The following GSAP variants were observed in gnomAD, a reference collection of about 807,000 sequenced individuals.
The protein encoded by GSAP is gamma-secretase activating protein.
In GSAP, 118 loss-of-function variants were observed where a neutral mutation model predicts 131.7. The ratio of observed to expected loss-of-function variants is 0.90; its 90% CI spans 0.77 to 1.04. GSAP has a LOEUF of 1.04. Among genes scored for constraint, GSAP ranks in the 50% least tolerant of loss-of-function variants. The pLI, the probability that GSAP is intolerant of heterozygous loss-of-function variation, is 0.00. For missense variants in GSAP, 1,019 were observed against 1,013.2 expected (o/e 1.01, Z -0.08); for synonymous variants, 381 against 363.4 (o/e 1.05, Z -0.55).
Position 77,355,252 on chromosome 7 carries a change from C to A in GSAP, c.1299G>T (p.Ala433=), listed in dbSNP as rs762019139. Reference sequence around the variant, plus strand: ...ACTGCGCACCTTGACCGCAGTAGAGCGCGCAGTGCAACGCAGCCATCTTCT... The same window carrying A: ...ACTGCGCACCTTGACCGCAGTAGAGAGCGCAGTGCAACGCAGCCATCTTCT... ...DCEKMAALHC[A]LYCGQGAQFL... Residue 433 remains alanine (A), a synonymous_variant, in exon 16 of 31, where the codon GCG becomes GCT. Transcript: ENST00000257626. The A allele has an allele frequency of 6.2e-7, 1 of 1,613,804 alleles. No homozygotes were observed.
intron 5 of GSAP, 24 bp downstream of exon 5, chr7:77,396,958 T>A (rs1800504079): frequency 7.2e-7 from 1 of 1,396,486 alleles, no homozygotes; most frequent in African/African-American, 1.4e-5. Context: ...TACCCATAGG[T>A]ACTAAAAAGT....
intron 1 of GSAP, chr7:77,415,886 G>GT: frequency 7.5e-6 from 2 of 264,992 alleles, no homozygotes; most frequent in South Asian, 1.1e-4. Context: ...AGCTGAGCAC[G>GT]ACCCTCTGCC....
intron 5 of GSAP, among the ~76,000 whole-genome samples, chr7:77,389,365 C>T (rs182328675): frequency 2.0e-5 from 3 of 149,202 alleles, no homozygotes; most frequent in East Asian, 2.0e-4. Flanking sequence ...AGTGAAATGC[C>T]GTCTCTACAA....
In GSAP at chr7:77,331,894, A is replaced by G. The variant is rs1789218394; in HGVS notation, c.1546-1527T>C. 7.4e-5 allele frequency: 5 copies of G among 67,916 alleles called. No individual in the cohort carries two copies. The South Asian group carries it at 2.4e-3, about 33-fold the overall frequency. The allele number at this position is 67,916 out of a possible 1,614,324, so 4.2% of individuals were successfully genotyped here. A position where few individuals can be genotyped will look rare whatever the true frequency, so the allele number is the denominator to read the frequency against. ...TGGGTCTTCTTTGTATTTAAGAAGA[A>G]AAAAAAAAAAAAAAAAAGACAAGAC... On this transcript the variant is annotated intron_variant, in intron 19 of 30. Coordinates refer to ENST00000257626, the MANE Select transcript of GSAP (RefSeq NM_017439.4).
At chr7:77,343,580 A>C (rs1192336024) in intron 19 of GSAP, among the ~76,000 whole-genome samples, 1 of 152,196 alleles carries the variant, frequency 6.6e-6, no homozygotes, top group Non-Finnish European at 1.5e-5. Context: ...GTCAGATCCC[A>C]TCGCTCAAGG....
chr7:77,416,215 G>A lies in GSAP; in HGVS notation c.107C>T (p.Ala36Val). Residue 36 changes from alanine (A) to valine (V), a missense_variant and splice_region_variant, in exon 1 of 31, where the codon GCA (alanine) becomes GTA (valine). Ala to Val is a moderately conservative substitution (Grantham distance 64, BLOSUM62 0). Transcript: ENST00000257626. ...SEASGAGSGG[A>V]DVLENDYESL... ...TCTCCGCAGCGCGCCTCCCGCACCT[G>A]CGCCGCCGCTTCCGGCCCCGCTGGC... 7.0e-7 allele frequency: 1 copy of A among 1,422,560 alleles called. No homozygotes were observed. The highest frequency in any genetic ancestry group is 9.2e-7 in the Non-Finnish European group (1 of 1,082,878). 88.1% of individuals were successfully genotyped at this position (1,422,560 alleles called of 1,614,324 possible).
At chr7:77,344,228 TC>T (rs1791455118) in intron 19 of GSAP, among the ~76,000 whole-genome samples, 2 of 152,176 alleles carry the variant, frequency 1.3e-5, no homozygotes, top group Admixed American at 1.3e-4. Context: ...CCAAGCAGTT[TC>T]TCAGGCTCTT....
intron 19 of GSAP, among the ~76,000 whole-genome samples, chr7:77,345,793 C>A (rs1316601723): frequency 6.6e-6 from 1 of 152,166 alleles, no homozygotes; most frequent in Non-Finnish European, 1.5e-5. Flanking sequence ...TCTTTTCGGA[C>A]TCAGCCCGCC....
chr7:77,347,961 G>A (rs1044700673), intron 19 of GSAP, among the ~76,000 whole-genome samples: 9 of 150,574 alleles, frequency 6.0e-5, no homozygotes, highest in Non-Finnish European at 1.2e-4. Context: ...AGATCATCCT[G>A]GCAACATAGC....
At chr7:77,345,696 T>C (rs10953207) in intron 19 of GSAP, among the ~76,000 whole-genome samples, 36,097 of 151,980 alleles carry the variant, frequency 0.24, 5,417 homozygotes, top group East Asian at 0.43. Context: ...ACGCCCCTGC[T>C]CATAAGAGAA....
chr7:77,406,001 AC>A, intron 2 of GSAP, 27 bp downstream of exon 2: 1 of 804,244 alleles, frequency 1.2e-6, no homozygotes, highest in Non-Finnish European at 1.8e-6. Flanking sequence ...TTTACATCTT[AC>A]CACAATAAAA....
Position 77,353,905 on chromosome 7 carries a change from G to A in GSAP, c.1339-264C>T, listed in dbSNP as rs147409876. 2.6e-4 allele frequency among the ~76,000 whole-genome samples: 40 copies of A among 152,174 alleles called. No homozygotes were observed. The East Asian group carries it at 5.0e-3, about 19-fold the overall frequency. On this transcript the variant is annotated intron_variant, in intron 16 of 30. Coordinates refer to ENST00000257626, the MANE Select transcript of GSAP (RefSeq NM_017439.4). ...CCAAATAAACGTTCCTCAACCTAAC[G>A]TTTGTGCAAGAATAGGTCATGTTAT... is the stretch of plus-strand genomic sequence containing the variant.
chr7:77,347,164 G>A (rs529406727), intron 19 of GSAP, among the ~76,000 whole-genome samples: 54 of 152,130 alleles, frequency 3.5e-4, no homozygotes, highest in East Asian at 5.8e-4. Flanking sequence ...CACTCTATGC[G>A]TCTCTTCATC....
At chr7:77,415,153 T>C (rs1394383450) in intron 1 of GSAP, among the ~76,000 whole-genome samples, 1 of 152,198 alleles carries the variant, frequency 6.6e-6, no homozygotes, top group South Asian at 2.1e-4. Flanking sequence ...TTGGAGCTAA[T>C]AATATTCCAA....
intron 12 of GSAP, among the ~76,000 whole-genome samples, chr7:77,366,118 G>A (rs1040996865): frequency 2.6e-5 from 4 of 151,782 alleles, no homozygotes; most frequent in Non-Finnish European, 5.9e-5. Flanking sequence ...TAAGTACCTT[G>A]TAGATGCTGG....
intron 12 of GSAP, among the ~76,000 whole-genome samples, chr7:77,363,823 T>G (rs1268749907): frequency 6.6e-6 from 1 of 152,208 alleles, no homozygotes; most frequent in Non-Finnish European, 1.5e-5. Context: ...TTACGGTTAC[T>G]GAGCACACAA....
chr7:77,359,563 ATTG>A lies in GSAP; in HGVS notation c.1027+1258_1027+1260del, dbSNP rs548012311. Among the ~76,000 whole-genome samples, 78 of 152,328 alleles carry A rather than the reference ATTG, an allele frequency of 5.1e-4. No individual in the cohort carries two copies. The East Asian group carries it at 0.014, about 27-fold the overall frequency. On this transcript the variant is annotated intron_variant, in intron 14 of 30. Transcript: ENST00000257626. The stretch of plus-strand genomic sequence containing the variant: ...CAAAAAATATATTACTCAAAACAAT[ATTG>A]TTGTCATAAAAATTACCTGTACAGC...
At chr7:77,363,699 T>C (rs898683316) in intron 12 of GSAP, among the ~76,000 whole-genome samples, 2 of 152,242 alleles carry the variant, frequency 1.3e-5, no homozygotes, top group Non-Finnish European at 2.9e-5. Flanking sequence ...CATTTAACAC[T>C]GCAAAGTATT....
chr7:77,398,462 G>A (rs1415548205), intron 3 of GSAP, among the ~76,000 whole-genome samples: 1 of 152,134 alleles, frequency 6.6e-6, no homozygotes, highest in African/African-American at 2.4e-5. Context: ...TAAGAAGAAT[G>A]GGTATATACA....
Sources: allele counts gnomAD v4.1 joint callset (sites outside exome capture counted in the v4.1 genomes callset), GRCh38; gene constraint gnomAD v4.1.1; transcripts MANE v1.5; gene names NCBI Gene and HGNC (gene_info 2026-07-23, HGNC 2026-07-21).